The following GABBR2 variants were observed in gnomAD, a reference collection of about 807,000 sequenced individuals.
GABBR2 encodes the protein G-protein coupled receptor 51.
GABBR2 carries 23 observed loss-of-function variants against 105.6 expected under a neutral mutation model. That is an observed-to-expected ratio of 0.22 (90% CI 0.16 to 0.31). GABBR2 has a LOEUF of 0.31. Ranked by LOEUF, GABBR2 falls within the 10% of genes least tolerant of loss-of-function variation. The probability of loss-of-function intolerance (pLI) is 1.00; values close to 1 mark genes in which losing one functional copy is unlikely to be tolerated. For missense variants in GABBR2, 734 were observed against 1,245.5 expected, an observed-to-expected ratio of 0.59 and a Z score of 6.18; for synonymous variants, 478 against 499.7, an observed-to-expected ratio of 0.96 and a Z score of 0.58.
chr9:98,399,353 A>C (rs1386758040), intron 8 of GABBR2, among the ~76,000 whole-genome samples: 2 of 146,214 alleles, frequency 1.4e-5, no homozygotes, highest in African/African-American at 5.0e-5. Flanking sequence ...CTCCATCTCA[A>C]AAAAAAAAAA....
chr9:98,448,416 A>G (rs1049794310), intron 7 of GABBR2, among the ~76,000 whole-genome samples: 1 of 152,154 alleles, frequency 6.6e-6, no homozygotes, highest in African/African-American at 2.4e-5. Flanking sequence ...AGGTAAAATG[A>G]GAGTCTATTA....
chr9:98,578,720 A>T (rs1199261156), intron 1 of GABBR2, among the ~76,000 whole-genome samples: 1 of 152,240 alleles, frequency 6.6e-6, no homozygotes, highest in Non-Finnish European at 1.5e-5. Context: ...AATGCCCATC[A>T]ACAGGTGAAT....
At position 98,556,916 on chromosome 9, in the gene GABBR2, T is replaced by C. The variant is rs556028940; in HGVS notation, c.460-14873A>G. On this transcript the variant is annotated intron_variant, in intron 2 of 18. Transcript: ENST00000259455. ...TAAAATTAGCCAAGCACGGTGGCCA[T>C]GCCTGTGGTCCCAGCTACTTGGGAG... Among the ~76,000 whole-genome samples, 13 of 152,214 alleles carry C rather than the reference T, an allele frequency of 8.5e-5. No homozygotes were observed. The South Asian group carries it at 1.9e-3, about 22-fold the overall frequency.
At chr9:98,644,719 C>A (rs1830009175) in intron 1 of GABBR2, among the ~76,000 whole-genome samples, 1 of 152,124 alleles carries the variant, frequency 6.6e-6, no homozygotes, top group Admixed American at 6.5e-5. Context: ...GCAGCCACAG[C>A]TACTCAGGAG....
chr9:98,708,759 G>T lies in GABBR2; in HGVS notation c.-22C>A. On this transcript the variant is annotated 5_prime_UTR_variant, in exon 1 of 19. Coordinates refer to ENST00000259455, the MANE Select transcript of GABBR2 (RefSeq NM_005458.8). ...CCATGCCGCGCCGCGGGCTGCGGGC[G>T]CCGGCTCACTCGGCCCGCATGGCCT... 2.0e-6 allele frequency: 2 copies of T among 979,910 alleles called. No homozygotes were observed. The highest frequency in any genetic ancestry group is 2.4e-6 in the Non-Finnish European group (2 of 827,256). 60.7% of individuals were successfully genotyped at this position (979,910 alleles called of 1,614,324 possible).
chr9:98,425,500 G>A (rs114801065), intron 7 of GABBR2, among the ~76,000 whole-genome samples: 7 of 152,226 alleles, frequency 4.6e-5, no homozygotes, highest in Middle Eastern at 3.4e-3. Context: ...TCTGGGCCAC[G>A]CACTGTGCTG....
intron 7 of GABBR2, among the ~76,000 whole-genome samples, chr9:98,429,947 AT>A (rs1207002044): frequency 6.6e-6 from 1 of 151,792 alleles, no homozygotes; most frequent in Admixed American, 6.6e-5. Flanking sequence ...CTGCCTGGTA[AT>A]TTTTCACTGG....
chr9:98,345,252 T>C (rs1831283292), intron 13 of GABBR2, among the ~76,000 whole-genome samples: 1 of 152,176 alleles, frequency 6.6e-6, no homozygotes, highest in Non-Finnish European at 1.5e-5. Flanking sequence ...CGCCCCTCCA[T>C]CTGTTCTCAC....
intron 9 of GABBR2, among the ~76,000 whole-genome samples, chr9:98,393,194 CCACTTGATCAATT>C (rs1246243355): frequency 3.7e-4 from 47 of 125,852 alleles, no homozygotes; most frequent in African/African-American, 6.8e-4. Flanking sequence ...ATCTATCCAT[CCACTTGATCAATT>C]CATCTATCCA....
intron 7 of GABBR2, among the ~76,000 whole-genome samples, chr9:98,425,129 A>G (rs548195047): frequency 1.1e-3 from 165 of 152,304 alleles, no homozygotes; most frequent in South Asian, 2.1e-3. Context: ...ACAAATAATA[A>G]CACACATTTT....
Position 98,475,663 on chromosome 9 carries a change from T to G in GABBR2, c.799-2317A>C, listed in dbSNP as rs145754104. Reference sequence around the variant, plus strand: ...TCAAAGGGACAAGACTCAAAGTCCATTCTTGAAGTTCCGCTCTTAGTAAAA... The same window carrying G: ...TCAAAGGGACAAGACTCAAAGTCCAGTCTTGAAGTTCCGCTCTTAGTAAAA... On this transcript the variant is annotated intron_variant, in intron 5 of 18. Coordinates refer to ENST00000259455, the MANE Select transcript of GABBR2 (RefSeq NM_005458.8). 4.6e-5 allele frequency among the ~76,000 whole-genome samples: 7 copies of G among 152,356 alleles called. No homozygotes were observed. The East Asian group carries it at 1.4e-3, about 29-fold the overall frequency.
chr9:98,322,986 T>C (rs965092089), intron 13 of GABBR2, among the ~76,000 whole-genome samples: 4 of 152,096 alleles, frequency 2.6e-5, no homozygotes, highest in Non-Finnish European at 5.9e-5. Context: ...GAGTGTTATA[T>C]ACACTGTCCC....
intron 7 of GABBR2, among the ~76,000 whole-genome samples, chr9:98,442,367 C>T (rs1029015662): frequency 7.9e-5 from 12 of 152,284 alleles, no homozygotes; most frequent in Admixed American, 2.6e-4. Flanking sequence ...TTGTCCTTCT[C>T]GGGCTAGATT....
At chr9:98,293,963 A>G (rs1830342429) in intron 17 of GABBR2, 61 bp from the exon 18 acceptor site, 3 of 1,012,258 alleles carry the variant, frequency 3.0e-6, no homozygotes, top group Non-Finnish European at 4.7e-6. Flanking sequence ...AAAATCAACA[A>G]TGCAACTTTT....
chr9:98,671,015 A>T (rs931359456), intron 1 of GABBR2, among the ~76,000 whole-genome samples: 1 of 152,200 alleles, frequency 6.6e-6, no homozygotes, highest in Non-Finnish European at 1.5e-5. Flanking sequence ...TACCATGATT[A>T]AAAAAATGGA....
intron 7 of GABBR2, among the ~76,000 whole-genome samples, chr9:98,421,437 G>A (rs1832781152): frequency 6.6e-6 from 1 of 152,096 alleles, no homozygotes; most frequent in Non-Finnish European, 1.5e-5. Flanking sequence ...TACTCATTCA[G>A]GAATAAAATT....
At chr9:98,378,834 T>G (rs539379268) in intron 11 of GABBR2, among the ~76,000 whole-genome samples, 6 of 152,314 alleles carry the variant, frequency 3.9e-5, no homozygotes, top group Middle Eastern at 3.4e-3. Flanking sequence ...GGATTCACAG[T>G]TGAGTTCAGT....
intron 3 of GABBR2, among the ~76,000 whole-genome samples, chr9:98,519,125 G>A (rs1376930119): frequency 6.6e-6 from 1 of 152,314 alleles, no homozygotes; most frequent in Non-Finnish European, 1.5e-5. Flanking sequence ...TTGTTAATCT[G>A]TCCATCTGCC....
chr9:98,434,883 C>A (rs967243300), intron 7 of GABBR2, among the ~76,000 whole-genome samples: 1 of 152,180 alleles, frequency 6.6e-6, no homozygotes, highest in African/African-American at 2.4e-5. Context: ...ACAGGAAAGA[C>A]TAGGGGAATT....
Sources: gnomAD v4.1 joint callset for allele counts (sites outside exome capture counted in the v4.1 genomes callset) on GRCh38, gnomAD v4.1.1 for gene constraint, MANE v1.5 for transcripts, NCBI Gene and HGNC (gene_info 2026-07-23, HGNC 2026-07-21) for gene names.